PRKCQ: variants seen among roughly 807,000 people sequenced by gnomAD.
PRKCQ encodes the protein protein kinase C theta type.
In PRKCQ, 41 loss-of-function variants were observed where a neutral mutation model predicts 91.2. The ratio of observed to expected loss-of-function variants is 0.45; its 90% CI spans 0.35 to 0.58. PRKCQ has a LOEUF of 0.58. Among genes scored for constraint, PRKCQ ranks in the 20% least tolerant of loss-of-function variants. The pLI is 0.00. For synonymous variants in PRKCQ, 307 were observed against 316.9 expected (o/e 0.97, Z 0.33); for missense variants, 673 against 896.5 (o/e 0.75, Z 3.18).
chr10:6,436,897 C>T (rs1345320892), intron 16 of PRKCQ, among the ~76,000 whole-genome samples: 1 of 152,204 alleles, frequency 6.6e-6, no homozygotes, highest in Non-Finnish European at 1.5e-5. Flanking sequence ...CTCTGTCCCT[C>T]CTTCACTCTC....
At chr10:6,456,362 C>T (rs375403178) in intron 15 of PRKCQ, among the ~76,000 whole-genome samples, 9 of 152,246 alleles carry the variant, frequency 5.9e-5, no homozygotes, top group South Asian at 4.2e-4. Context: ...CTTGGGTGGA[C>T]GCTTGCTCCA....
chr10:6,577,111 C>G (rs138857012), intron 1 of PRKCQ, among the ~76,000 whole-genome samples: 26 of 152,190 alleles, frequency 1.7e-4, no homozygotes, highest in Non-Finnish European at 2.8e-4. Flanking sequence ...CCTACAGCAA[C>G]CTGCAGAAAG....
chr10:6,402,307 G>A, the PRKCQ span, among the ~76,000 whole-genome samples: 1 of 136,642 alleles, frequency 7.3e-6, no homozygotes, highest in African/African-American at 2.8e-5. Flanking sequence ...TGCGTGTTCT[G>A]CACATCTACC....
chr10:6,572,191 GA>G (rs1841071259), intron 1 of PRKCQ, among the ~76,000 whole-genome samples: 1 of 152,300 alleles, frequency 6.6e-6, no homozygotes, highest in African/African-American at 2.4e-5. Context: ...GAATGGTATA[GA>G]AAACTAAATG....
intron 15 of PRKCQ, among the ~76,000 whole-genome samples, chr10:6,444,790 T>C (rs140962843): frequency 1.1e-3 from 167 of 152,228 alleles, no homozygotes; most frequent in African/African-American, 3.8e-3. Flanking sequence ...CTTCCTTCTC[T>C]AATGGGCCTT....
intron 1 of PRKCQ, among the ~76,000 whole-genome samples, chr10:6,549,289 A>C (rs1322720228): frequency 6.6e-6 from 1 of 152,188 alleles, no homozygotes. Flanking sequence ...GATTCATTAG[A>C]GTTCCCTTGG....
intron 4 of PRKCQ, among the ~76,000 whole-genome samples, chr10:6,500,341 C>T (rs754572441): frequency 1.3e-5 from 2 of 151,656 alleles, no homozygotes; most frequent in Non-Finnish European, 2.9e-5. Context: ...TATGGGGACC[C>T]TATACAGGTT....
chr10:6,546,667 T>C (rs1277734399), intron 1 of PRKCQ, among the ~76,000 whole-genome samples: 2 of 152,224 alleles, frequency 1.3e-5, no homozygotes, highest in Non-Finnish European at 2.9e-5. Flanking sequence ...TACAGTCATG[T>C]CGTCTGCAAA....
chr10:6,417,249 A>G, the PRKCQ span, among the ~76,000 whole-genome samples: 11 of 152,230 alleles, frequency 7.2e-5, no homozygotes, highest in Non-Finnish European at 1.2e-4. Flanking sequence ...GGATGTCATC[A>G]GTTGTTATTT....
chr10:6,574,094 C>T (rs1010075639), intron 1 of PRKCQ, among the ~76,000 whole-genome samples: 1 of 152,062 alleles, frequency 6.6e-6, no homozygotes, highest in Admixed American at 6.5e-5. Context: ...CCAGCCTGGG[C>T]GACAGAGCAA....
chr10:6,453,611 A>G (rs1588682605), intron 15 of PRKCQ, among the ~76,000 whole-genome samples: 1 of 152,248 alleles, frequency 6.6e-6, no homozygotes, highest in East Asian at 1.9e-4. Context: ...CTATAAAGAC[A>G]CATGCACACA....
intron 1 of PRKCQ, among the ~76,000 whole-genome samples, chr10:6,573,216 T>C (rs2130980735): frequency 6.6e-6 from 1 of 152,332 alleles, no homozygotes; most frequent in African/African-American, 2.4e-5. Context: ...TTTGAAAAAC[T>C]GTGTAGAAGG....
intron 7 of PRKCQ, among the ~76,000 whole-genome samples, chr10:6,494,657 C>T (rs190294245): frequency 2.6e-5 from 4 of 152,234 alleles, no homozygotes; most frequent in Admixed American, 2.6e-4. Flanking sequence ...GGTCTCTGAG[C>T]CCAGTTTCTC....
chr10:6,545,767 C>T (rs975947004), intron 1 of PRKCQ, among the ~76,000 whole-genome samples: 3 of 152,128 alleles, frequency 2.0e-5, no homozygotes, highest in African/African-American at 4.8e-5. Context: ...AATCCCAGCA[C>T]TTTGGGAGGC....
At position 6,563,310 on chromosome 10, in the gene PRKCQ, G is replaced by A. The variant is rs1840704402; in HGVS notation, c.-10+16901C>T. ...GGGAGGTCTACTGCATGCCTACTAT[G>A]ACTGAGCTCTACTGCATGTCTGGAG... On this transcript the variant is annotated intron_variant, in intron 1 of 17. Coordinates refer to ENST00000263125, the MANE Select transcript of PRKCQ (RefSeq NM_006257.5). Among the ~76,000 whole-genome samples the A allele has an allele frequency of 3.9e-5, 6 of 152,088 alleles. No homozygotes were observed. In the South Asian group the frequency reaches 1.3e-3, roughly 32 times the overall value.
At position 6,465,549 on chromosome 10, in the gene PRKCQ, A is replaced by ATCCAT. The variant is rs1334714584; in HGVS notation, c.1354-1150_1354-1146dup. 6.6e-6 allele frequency among the ~76,000 whole-genome samples: 1 copy of ATCCAT among 152,248 alleles called. No homozygotes were observed. Among genetic ancestry groups the ATCCAT allele is most frequent in the Non-Finnish European group, 1.5e-5 (1 of 68,040 alleles). ...GTTGTAATGCATCACAGAATCAGTAATCCATAAAGTGTGAGGACCTTCGGT... is the reference window on the plus strand; with the variant it reads ...GTTGTAATGCATCACAGAATCAGTAATCCATTCCATAAAGTGTGAGGACCTTCGGT... On this transcript the variant is annotated intron_variant, in intron 12 of 17. Transcript: ENST00000263125. The surrounding 1 kb of genome is among the most constrained non-coding windows in gnomAD (Gnocchi z 4.4).
intron 1 of PRKCQ, among the ~76,000 whole-genome samples, chr10:6,543,146 T>C (rs1004481566): frequency 2.0e-5 from 3 of 152,218 alleles, no homozygotes; most frequent in African/African-American, 7.2e-5. Flanking sequence ...TCCTCACCAC[T>C]GTCCTTTGAA....
chr10:6,437,166 G>A (rs1268516425), intron 16 of PRKCQ, among the ~76,000 whole-genome samples: 1 of 152,116 alleles, frequency 6.6e-6, no homozygotes, highest in Non-Finnish European at 1.5e-5. Context: ...CTCATGCTTT[G>A]GACTGAATGG....
chr10:6,448,682 CAG>C (rs1368935212), intron 15 of PRKCQ, among the ~76,000 whole-genome samples: 1 of 152,162 alleles, frequency 6.6e-6, no homozygotes, highest in Non-Finnish European at 1.5e-5. Flanking sequence ...GCTGGGATTA[CAG>C]GTGTGAGCCA....
Sources: gnomAD v4.1 joint callset for allele counts (sites outside exome capture counted in the v4.1 genomes callset) on GRCh38, gnomAD v4.1.1 for gene constraint, Gnocchi (gnomAD v3.1) non-coding constraint, MANE v1.5 for transcripts, NCBI Gene and HGNC (gene_info 2026-07-23, HGNC 2026-07-21) for gene names.